SLC26A9: variants seen among roughly 807,000 people sequenced by gnomAD.
The protein encoded by SLC26A9 is anion transporter/exchanger protein 9.
Under a neutral mutation model 87.1 loss-of-function variants are expected in SLC26A9, and 46 were observed. That is an observed-to-expected ratio of 0.53 (90% CI 0.42 to 0.67). SLC26A9 has a LOEUF of 0.67. Ranked by LOEUF, SLC26A9 falls within the 30% of genes least tolerant of loss-of-function variation. The pLI is 0.00. For missense variants in SLC26A9, 927 were observed against 1,018.3 expected (o/e 0.91, Z 1.22); for synonymous variants, 437 against 409.1 (o/e 1.07, Z -0.82).
intron 4 of SLC26A9, 63 bp from the exon 5 acceptor site, chr1:205,932,098 AG>A (rs1659332195): frequency 6.3e-7 from 1 of 1,587,938 alleles, no homozygotes; most frequent in African/African-American, 1.3e-5. Flanking sequence ...GAAACCAGAA[AG>A]GGGCCCAGGA....
At position 205,915,274 on chromosome 1, in the gene SLC26A9, A is replaced by AC. The variant is rs555049666; in HGVS notation, c.*82dup. The stretch of plus-strand genomic sequence containing the variant: ...GGGGATGCACTTTCCTCCGCCCGAC[A>AC]CCCCCTGTGACCCCAGGCTCATCCT... On this transcript the variant is annotated 3_prime_UTR_variant, in exon 21 of 21. Transcript: ENST00000367135. The AC allele has an allele frequency of 8.8e-5, 141 of 1,602,802 alleles. 1 individual carries two copies. In the East Asian group the frequency reaches 2.4e-3, roughly 27 times the overall value.
chr1:205,928,164 C>A, intron 8 of SLC26A9, 115 bp from the exon 9 acceptor site: 4 of 1,240,732 alleles, frequency 3.2e-6, no homozygotes, highest in Non-Finnish European at 4.4e-6. Flanking sequence ...GGGATCTTTG[C>A]CTAAGTTATC....
At chr1:205,915,493 G>C in intron 20 of SLC26A9, 89 bp from the exon 21 acceptor site, 1 of 1,563,078 alleles carries the variant, frequency 6.4e-7, no homozygotes, top group Non-Finnish European at 8.8e-7. Context: ...GGTGACCCTA[G>C]GAACCCCTGG....
At chr1:205,932,586 C>T in intron 4 of SLC26A9, 116 bp downstream of exon 4, 1 of 850,136 alleles carries the variant, frequency 1.2e-6, no homozygotes, top group Non-Finnish European at 1.8e-6. Flanking sequence ...TCCCCTAGGA[C>T]TGACCAGGAA....
chr1:205,924,827 C>G, intron 12 of SLC26A9: 1 of 246,248 alleles, frequency 4.1e-6, no homozygotes, highest in Non-Finnish European at 7.9e-6. Flanking sequence ...GTCACAGGGT[C>G]TTGCTCTGTT....
At chr1:205,928,417 C>T (rs1042926272) in intron 8 of SLC26A9, 2 of 377,784 alleles carry the variant, frequency 5.3e-6, no homozygotes, top group Admixed American at 4.1e-5. Flanking sequence ...GCAGGACAAG[C>T]GTCACCCCTC....
chr1:205,928,850 C>T lies in SLC26A9; in HGVS notation c.930G>A (p.Gln310=). 1.9e-6 allele frequency: 3 copies of T among 1,614,174 alleles called. No individual in the cohort carries two copies. Among genetic ancestry groups the T allele is most frequent in the Middle Eastern group, 1.6e-4 (1 of 6,062 alleles). ...GCKMPKKYHM[Q]IVGEIQRGFP... ...ACCCGCGTTGGATTTCTCCCACGAT[C>T]TGCATGTGATACTTTTTGGGCATCT... The change falls in exon 8 of 21, where the codon CAG becomes CAA. Residue 310 remains glutamine (Q), a synonymous_variant. Transcript: ENST00000367135.
chr1:205,934,517 AAAG>A (rs1659431469), intron 2 of SLC26A9, among the ~76,000 whole-genome samples: 1 of 152,232 alleles, frequency 6.6e-6, no homozygotes, highest in Non-Finnish European at 1.5e-5. Context: ...CTGAAGCTTG[AAAG>A]AAGAACTGGA....
At chr1:205,921,213 C>A (rs1331358228) in intron 17 of SLC26A9, among the ~76,000 whole-genome samples, 1 of 152,202 alleles carries the variant, frequency 6.6e-6, no homozygotes, top group African/African-American at 2.4e-5. Context: ...GGGACAAGGG[C>A]AGCAGATCAT....
At chr1:205,931,832 C>G (rs370027514) in intron 5 of SLC26A9, 28 bp downstream of exon 5, 1 of 1,601,934 alleles carries the variant, frequency 6.2e-7, no homozygotes, top group Non-Finnish European at 8.5e-7. Flanking sequence ...TGATGCCCTT[C>G]TAGCAGGGTT....
In SLC26A9 at chr1:205,928,981, C is replaced by A. The variant is rs1157770959; in HGVS notation, c.871-72G>T. The A allele has an allele frequency of 1.9e-6, 3 of 1,572,758 alleles. No individual in the cohort carries two copies. In the East Asian group the frequency reaches 6.7e-5, roughly 35 times the overall value. On this transcript the variant is annotated intron_variant, in intron 7 of 20. Transcript: ENST00000367135. ...CAGGGCAGGCGTCTCTCTCAAGTCT[C>A]CCTTTTCTCTGGGGACCCTGAATCC...
intron 1 of SLC26A9, among the ~76,000 whole-genome samples, chr1:205,937,473 C>T (rs989257257): frequency 1.3e-5 from 2 of 152,122 alleles, no homozygotes; most frequent in Non-Finnish European, 2.9e-5. Flanking sequence ...AGCCAGATGA[C>T]CTGGGTTCAA....
intron 1 of SLC26A9, 39 bp from the exon 2 acceptor site, chr1:205,935,877 C>G (rs977648776): frequency 6.3e-7 from 1 of 1,579,936 alleles, no homozygotes; most frequent in Non-Finnish European, 8.6e-7. Flanking sequence ...GAGGGAACAT[C>G]CCTCCCTAGT....
Position 205,927,528 on chromosome 1 carries a change from G to A in SLC26A9, c.1179C>T (p.Val393=). The change falls in exon 10 of 21, where the codon GTC becomes GTT. Residue 393 remains valine (V), a synonymous_variant. Coordinates refer to ENST00000367135, the MANE Select transcript of SLC26A9 (RefSeq NM_052934.4). ...KIHVICCALS[V]TLAVDGAGGK... ...CTCCAGCTCCATCCACAGCCAGAGT[G>A]ACAGAAAGCGCACAGCAAATGACAT... 2 of 1,614,162 alleles carry A rather than the reference G, an allele frequency of 1.2e-6. No homozygotes were observed. Among genetic ancestry groups the A allele is most frequent in the African/African-American group, 1.3e-5 (1 of 75,036 alleles).
At chr1:205,933,731 C>T (rs145725869) in intron 2 of SLC26A9, among the ~76,000 whole-genome samples, 3 of 152,354 alleles carry the variant, frequency 2.0e-5, no homozygotes, top group African/African-American at 7.2e-5. Flanking sequence ...GTGCACTCTG[C>T]TGACTCACTA....
intron 18 of SLC26A9, 115 bp downstream of exon 18, chr1:205,920,061 G>A (rs974186456): frequency 3.3e-5 from 38 of 1,150,942 alleles, no homozygotes; most frequent in Non-Finnish European, 4.7e-5. Context: ...GCAGCTTGTG[G>A]GGGATAGCTG....
rs75322725 is a variant in SLC26A9, at chr1:205,931,214, G to C, written c.552+646C>G. Among the ~76,000 whole-genome samples, 1,504 of 152,320 alleles carry C rather than the reference G, an allele frequency of 9.9e-3. 10 individuals carry two copies. The highest frequency in any genetic ancestry group is 0.016 in the Non-Finnish European group (1,058 of 68,034). On this transcript the variant is annotated intron_variant, in intron 5 of 20. Coordinates refer to ENST00000367135, the MANE Select transcript of SLC26A9 (RefSeq NM_052934.4). ...CTGTGGCTTGGAGCAGAGGAGGCTG[G>C]AGAGGAGTGAGGGATGTTAGAGAAA...
At chr1:205,921,924 ATGGAGGGTGTAGG>A in intron 16 of SLC26A9, 77 bp from the exon 17 acceptor site, 16 of 1,513,432 alleles carry the variant, frequency 1.1e-5, no homozygotes, top group South Asian at 1.0e-4. Context: ...AAGCAGGGGC[ATGGAGGGTGTAGG>A]TGTAGGGGAA....
intron 17 of SLC26A9, 122 bp from the exon 18 acceptor site, chr1:205,920,352 G>T: frequency 8.8e-7 from 1 of 1,137,550 alleles, no homozygotes; most frequent in Non-Finnish European, 1.3e-6. Context: ...TGAGAGCCCA[G>T]CAGCCAAAGA....
Sources: allele counts gnomAD v4.1 joint callset (sites outside exome capture counted in the v4.1 genomes callset), GRCh38; gene constraint gnomAD v4.1.1; transcripts MANE v1.5; gene names NCBI Gene and HGNC (gene_info 2026-07-23, HGNC 2026-07-21).